Variants in GPC6 observed in about 807,000 individuals in gnomAD.
GPC6 encodes the protein glypican-6.
GPC6 carries 14 observed loss-of-function variants against 55.2 expected under a neutral mutation model. The ratio of observed to expected loss-of-function variants is 0.25; its 90% CI spans 0.17 to 0.40. The LOEUF (loss-of-function observed/expected upper bound fraction) is 0.40, where lower values mean the gene tolerates loss of function less well. GPC6 is among the 10% of genes least tolerant of loss of function. The pLI is 1.00. For missense variants in GPC6, 641 were observed against 708.5 expected, an observed-to-expected ratio of 0.90 and a Z score of 1.08; for synonymous variants, 278 against 259.6, an observed-to-expected ratio of 1.07 and a Z score of -0.68.
intron 6 of GPC6, among the ~76,000 whole-genome samples, chr13:94,358,317 G>C (rs1184482954): frequency 6.7e-6 from 1 of 150,372 alleles, no homozygotes; most frequent in African/African-American, 2.4e-5. Flanking sequence ...AGGAAAAAAA[G>C]AAAAAGGACC....
intron 2 of GPC6, among the ~76,000 whole-genome samples, chr13:93,599,629 A>G (rs1476394196): frequency 6.6e-6 from 1 of 152,208 alleles, no homozygotes; most frequent in Non-Finnish European, 1.5e-5. Context: ...GGGGGGAAGC[A>G]GAGAGGGAAA....
At chr13:93,461,857 C>G (rs1015108153) in intron 1 of GPC6, among the ~76,000 whole-genome samples, 1 of 152,286 alleles carries the variant, frequency 6.6e-6, no homozygotes, top group African/African-American at 2.4e-5. Context: ...TCCCTCTTTA[C>G]GTTATCTCAT....
intron 4 of GPC6, among the ~76,000 whole-genome samples, chr13:94,183,573 C>T (rs1265337468): frequency 1.3e-5 from 2 of 152,152 alleles, no homozygotes; most frequent in South Asian, 2.1e-4. Flanking sequence ...CTCTGGGGTA[C>T]ATACCTAGGA....
intron 3 of GPC6, among the ~76,000 whole-genome samples, chr13:93,952,429 A>C (rs972669592): frequency 6.6e-6 from 1 of 152,064 alleles, no homozygotes; most frequent in African/African-American, 2.4e-5. Flanking sequence ...AATGTATATA[A>C]CTTCTTGAGT....
intron 1 of GPC6, among the ~76,000 whole-genome samples, chr13:93,399,061 G>GACACACACACAC (rs35212206): frequency 1.0e-4 from 15 of 150,650 alleles, no homozygotes; most frequent in Non-Finnish European, 1.9e-4. Context: ...CACACACACA[G>GACACACACACAC]ACACACACAC....
At chr13:94,379,999 C>A (rs755646991) in intron 6 of GPC6, among the ~76,000 whole-genome samples, 1 of 152,154 alleles carries the variant, frequency 6.6e-6, no homozygotes, top group Non-Finnish European at 1.5e-5. Flanking sequence ...AAGAAGACAA[C>A]GTTTGAGAAT....
At chr13:94,095,346 G>A (rs1163377604) in intron 4 of GPC6, among the ~76,000 whole-genome samples, 2 of 151,970 alleles carry the variant, frequency 1.3e-5, no homozygotes, top group Non-Finnish European at 2.9e-5. Flanking sequence ...AAAAATAATG[G>A]GAAGCAGTAA....
intron 1 of GPC6, among the ~76,000 whole-genome samples, chr13:93,341,911 T>C (rs12431053): frequency 0.069 from 10,438 of 151,674 alleles, 497 homozygotes; most frequent in East Asian, 0.12. Context: ...AGTTAACTTT[T>C]TTTTTCTTTC....
At chr13:93,940,285 A>G (rs1325076899) in intron 3 of GPC6, among the ~76,000 whole-genome samples, 1 of 152,108 alleles carries the variant, frequency 6.6e-6, no homozygotes, top group Non-Finnish European at 1.5e-5. Flanking sequence ...TGCCTTCACT[A>G]TGTTCTCTAG....
At chr13:93,395,281 A>C in intron 1 of GPC6, 1 of 488,636 alleles carries the variant, frequency 2.0e-6, no homozygotes, top group South Asian at 1.9e-5. Context: ...AACCACTTTG[A>C]CCTCTTTGGC....
At chr13:93,674,000 A>G (rs1223247193) in intron 2 of GPC6, among the ~76,000 whole-genome samples, 2 of 152,082 alleles carry the variant, frequency 1.3e-5, no homozygotes, top group Non-Finnish European at 2.9e-5. Context: ...GAGGGAGGAT[A>G]CAAAAAGATG....
intron 2 of GPC6, among the ~76,000 whole-genome samples, chr13:93,703,550 A>G (rs1435818324): frequency 1.3e-5 from 2 of 152,014 alleles, no homozygotes; most frequent in African/African-American, 4.8e-5. Flanking sequence ...AGCAAAGCAC[A>G]ATAAAACAAG....
At chr13:93,934,018 C>T (rs1385896821) in intron 3 of GPC6, among the ~76,000 whole-genome samples, 3 of 152,186 alleles carry the variant, frequency 2.0e-5, no homozygotes, top group Admixed American at 2.0e-4. Flanking sequence ...TAGCTCAATG[C>T]ACTTCTGGCT....
intron 3 of GPC6, among the ~76,000 whole-genome samples, chr13:93,906,804 T>G (rs1445171897): frequency 1.3e-5 from 2 of 152,182 alleles, no homozygotes; most frequent in Non-Finnish European, 2.9e-5. Flanking sequence ...CAAAGGGGGA[T>G]AAAACTCTGA....
At chr13:93,627,148 T>G (rs915609948) in intron 2 of GPC6, among the ~76,000 whole-genome samples, 8 of 151,426 alleles carry the variant, frequency 5.3e-5, no homozygotes, top group African/African-American at 1.9e-4. Flanking sequence ...ATGCTAACCC[T>G]CCCCTAGCCC....
chr13:93,322,431 C>CTTTTTTTTTT (rs71272281), intron 1 of GPC6, among the ~76,000 whole-genome samples: 2 of 96,790 alleles, frequency 2.1e-5, no homozygotes, highest in African/African-American at 4.2e-5. Context: ...TTTCTTTCTT[C>CTTTTTTTTTT]TTTTTTTTTT....
upstream of GPC6, among the ~76,000 whole-genome samples, chr13:93,223,992 C>T (rs1875689829): frequency 6.7e-6 from 1 of 149,210 alleles, no homozygotes; most frequent in South Asian, 2.1e-4. Context: ...CTCCGCCTCC[C>T]GGGTTCTCGC....
intron 1 of GPC6, among the ~76,000 whole-genome samples, chr13:93,282,574 A>G (rs1344215432): frequency 6.6e-6 from 1 of 152,048 alleles, no homozygotes; most frequent in East Asian, 1.9e-4. Context: ...CTCCTTAAAT[A>G]TAAGAAGAAC....
intron 1 of GPC6, among the ~76,000 whole-genome samples, chr13:93,271,625 C>T (rs1877530825): frequency 1.3e-5 from 2 of 152,006 alleles, no homozygotes; most frequent in Non-Finnish European, 2.9e-5. Flanking sequence ...TTCTTGAGGA[C>T]GATCAAGTGA....
Sources: allele counts gnomAD v4.1 joint callset (sites outside exome capture counted in the v4.1 genomes callset), GRCh38; gene constraint gnomAD v4.1.1; transcripts MANE v1.5; gene names NCBI Gene and HGNC (gene_info 2026-07-23, HGNC 2026-07-21).